Variants in SEC24B observed in about 807,000 individuals in gnomAD.
SEC24B encodes the protein SEC24 homolog B, COPII component.
Under a neutral mutation model 142.8 loss-of-function variants are expected in SEC24B, and 45 were observed. That is an observed-to-expected ratio of 0.32 (90% CI 0.25 to 0.40). The LOEUF (loss-of-function observed/expected upper bound fraction) is 0.40. SEC24B is among the 10% of genes least tolerant of loss of function. The probability of loss-of-function intolerance (pLI) is 1.00; values close to 1 mark genes in which losing one functional copy is unlikely to be tolerated. For missense variants in SEC24B, 1,409 were observed against 1,526.8 expected (o/e 0.92, Z 1.29); for synonymous variants, 574 against 568.2 (o/e 1.01, Z -0.15).
intron 11 of SEC24B, among the ~76,000 whole-genome samples, chr4:109,519,684 T>A (rs899752983): frequency 6.6e-6 from 1 of 152,240 alleles, no homozygotes; most frequent in Non-Finnish European, 1.5e-5. Flanking sequence ...AACTTGTAGC[T>A]TTCTGTTCTC....
intron 1 of SEC24B, among the ~76,000 whole-genome samples, chr4:109,446,078 G>T (rs1729433228): frequency 6.6e-6 from 1 of 151,572 alleles, no homozygotes; most frequent in Non-Finnish European, 1.5e-5. Flanking sequence ...AGTTGTGTGA[G>T]AATCTGCCAT....
At chr4:109,520,226 T>C (rs1348085409) in intron 11 of SEC24B, 140 bp from the exon 12 acceptor site, 1 of 594,200 alleles carries the variant, frequency 1.7e-6, no homozygotes. Context: ...TATATTTGTT[T>C]AGATAGGGAT....
rs1318453552 is a variant in SEC24B, at chr4:109,538,512, A to G, written c.3608A>G (p.Asp1203Gly). The G allele has an allele frequency of 6.2e-7, 1 of 1,612,452 alleles. No homozygotes were observed. Among genetic ancestry groups the G allele is most frequent in the South Asian group, 1.1e-5 (1 of 91,038 alleles). The change falls in exon 23 of 24, where the codon GAT (aspartate) becomes GGT (glycine). Residue 1203 changes from aspartate to glycine, a missense_variant. Transcript: ENST00000265175. Reference sequence around the variant, plus strand: ...TACCAGACACATCTTCCAGAGCTAGATACACTTTCATCAGAAAGAGCCAGA... The same window carrying G: ...TACCAGACACATCTTCCAGAGCTAGGTACACTTTCATCAGAAAGAGCCAGA... Reference protein sequence around the residue: ...PQKMTHLPELDTLSSERARSF... With the variant: ...PQKMTHLPELGTLSSERARSF...
In SEC24B at chr4:109,533,675, C is replaced by A. The variant is rs1268389720; in HGVS notation, c.3578C>A (p.Pro1193Gln). Reference protein sequence around the residue: ...VLGYTNFASIPQKMTHLPELD... With the variant: ...VLGYTNFASIQQKMTHLPELD... ...GGATATACTAATTTTGCATCAATACCACAGAAAATGGTCAGTAGATTTTAT... is the reference window on the plus strand; with the variant it reads ...GGATATACTAATTTTGCATCAATACAACAGAAAATGGTCAGTAGATTTTAT... Residue 1193 changes from proline to glutamine, a missense_variant, in exon 22 of 24, where the codon CCA (proline) becomes CAA (glutamine). Transcript: ENST00000265175. The A allele has an allele frequency of 6.3e-7, 1 of 1,589,912 alleles. No homozygotes were observed.
chr4:109,534,823 T>C (rs1725334870), intron 22 of SEC24B, among the ~76,000 whole-genome samples: 1 of 152,168 alleles, frequency 6.6e-6, no homozygotes. Context: ...CACAGGAGTA[T>C]GCCACCACAC....
intron 1 of SEC24B, chr4:109,450,729 A>T (rs1423135479): frequency 6.7e-6 from 1 of 149,386 alleles, no homozygotes; most frequent in Non-Finnish European, 1.5e-5. Flanking sequence ...TCTCACCTGC[A>T]TCAATTACTA....
chr4:109,536,232 T>C (rs1725517715), intron 22 of SEC24B, among the ~76,000 whole-genome samples: 1 of 152,174 alleles, frequency 6.6e-6, no homozygotes, highest in Non-Finnish European at 1.5e-5. Context: ...TCTAAAGCTG[T>C]AGTTATTTAA....
chr4:109,488,668 A>C (rs1234049347), intron 4 of SEC24B: 1 of 163,064 alleles, frequency 6.1e-6, no homozygotes, highest in African/African-American at 2.4e-5. Context: ...AGAAACTGCC[A>C]AACTGTTTTC....
intron 1 of SEC24B, 116 bp downstream of exon 1, chr4:109,434,118 C>T (rs1412084315): frequency 7.1e-6 from 5 of 700,724 alleles, no homozygotes; most frequent in South Asian, 1.3e-4. Flanking sequence ...AGGCCCGGCC[C>T]GAGGGACGGG....
In SEC24B at chr4:109,524,924, C is replaced by T; in HGVS notation, c.2615C>T (p.Ser872Phe). 1.9e-6 allele frequency: 3 copies of T among 1,610,472 alleles called. No individual in the cohort carries two copies. Among genetic ancestry groups the T allele is most frequent in the Non-Finnish European group, 2.5e-6 (3 of 1,178,470 alleles). ...VDLFLLSSQY[S>F]DLASLACMSK... Reference sequence around the variant, plus strand: ...TTGTTCCTTTTAAGTTCACAGTATTCTGATCTTGCTTCTCTAGGTAAGGAA... The same window carrying T: ...TTGTTCCTTTTAAGTTCACAGTATTTTGATCTTGCTTCTCTAGGTAAGGAA... The change falls in exon 15 of 24, where the codon TCT (serine) becomes TTT (phenylalanine). Residue 872 changes from serine to phenylalanine, a missense_variant. Around this residue, in one of 2 missense-constraint regions of SEC24B, gnomAD observed 700 missense variants for 853.3 expected, o/e 0.82. Coordinates refer to ENST00000265175, the MANE Select transcript of SEC24B (RefSeq NM_006323.5).
chr4:109,444,241 T>G (rs909966309), intron 1 of SEC24B, among the ~76,000 whole-genome samples: 1 of 151,870 alleles, frequency 6.6e-6, no homozygotes, highest in Non-Finnish European at 1.5e-5. Flanking sequence ...AAGAATAGTT[T>G]TTACAATTAT....
At chr4:109,470,678 A>C (rs1732422042) in intron 2 of SEC24B, among the ~76,000 whole-genome samples, 1 of 152,212 alleles carries the variant, frequency 6.6e-6, no homozygotes, top group South Asian at 2.1e-4. Context: ...CTGTTTGTGA[A>C]AACAAAAAAT....
chr4:109,539,185 C>CCTCACCTCTGG (rs1725907700), intron 23 of SEC24B, among the ~76,000 whole-genome samples: 2 of 152,078 alleles, frequency 1.3e-5, no homozygotes, highest in Non-Finnish European at 2.9e-5. Context: ...TGGTCTTGAA[C>CCTCACCTCTGG]TCCTCACCTC....
rs1334723803 is a variant in SEC24B, at chr4:109,463,169, C to A, written c.402C>A (p.Phe134Leu). The A allele has an allele frequency of 6.2e-7, 1 of 1,614,188 alleles. No homozygotes were observed. The highest frequency in any genetic ancestry group is 1.3e-5 in the African/African-American group (1 of 75,056). ...TTGTGGGATCCACTCTAGGATCTTT[C>A]CAAGGTGCTGCATCGTCAGCATCCC... ...PHIVGSTLGS[F>L]QGAASSASHL... Residue 134 changes from phenylalanine to leucine, a missense_variant, in exon 2 of 24, where the codon TTC becomes TTA. Coordinates refer to ENST00000265175, the MANE Select transcript of SEC24B (RefSeq NM_006323.5).
At chr4:109,485,066 T>A (rs2125990760) in intron 4 of SEC24B, among the ~76,000 whole-genome samples, 1 of 152,276 alleles carries the variant, frequency 6.6e-6, no homozygotes, top group South Asian at 2.1e-4. Context: ...TTTTCTAGAC[T>A]CACATCCCGA....
At chr4:109,516,944 T>C (rs1722996805) in intron 11 of SEC24B, among the ~76,000 whole-genome samples, 1 of 152,180 alleles carries the variant, frequency 6.6e-6, no homozygotes, top group South Asian at 2.1e-4. Flanking sequence ...ATATCGGGAA[T>C]CTGGATGAGA....
chr4:109,536,946 A>G (rs976779471), intron 22 of SEC24B, among the ~76,000 whole-genome samples: 2 of 152,140 alleles, frequency 1.3e-5, no homozygotes, highest in Non-Finnish European at 2.9e-5. Context: ...AACAATAAAT[A>G]AATAAATAAA....
In SEC24B at chr4:109,463,554, T is replaced by A. The variant is rs770481127; in HGVS notation, c.787T>A (p.Ser263Thr). Residue 263 changes from serine to threonine, a missense_variant, in exon 2 of 24, where the codon TCA (serine) becomes ACA (threonine). Physicochemically the swap from Ser to Thr is moderately conservative, Grantham distance 58. This residue lies in a region of SEC24B where 709 missense variants were observed against 673.5 expected (regional missense o/e 1.05). Coordinates refer to ENST00000265175, the MANE Select transcript of SEC24B (RefSeq NM_006323.5). ...SLSGYSTLTW[S>T]SPGLPSTQDN... is the part of the protein sequence containing the mutation. ...TTCAGGATACAGTACTCTAACGTGG[T>A]CATCTCCAGGCCTTCCATCGACTCA... 6.2e-6 allele frequency: 10 copies of A among 1,614,010 alleles called. No homozygotes were observed. The highest frequency in any genetic ancestry group is 2.7e-5 in the African/African-American group (2 of 74,912).
intron 10 of SEC24B, among the ~76,000 whole-genome samples, chr4:109,515,870 C>A (rs1452779181): frequency 6.7e-6 from 1 of 149,446 alleles, no homozygotes; most frequent in Non-Finnish European, 1.5e-5. Flanking sequence ...TGAACCCCCC[C>A]CCACCCCCAT....
Sources: gnomAD v4.1 joint callset for allele counts (sites outside exome capture counted in the v4.1 genomes callset) on GRCh38, gnomAD v4.1.1 for gene constraint, gnomAD v4.1.1 regional missense constraint, MANE v1.5 for transcripts, NCBI Gene and HGNC (gene_info 2026-07-23, HGNC 2026-07-21) for gene names.